TPTE2: variants seen among roughly 807,000 people sequenced by gnomAD.
TPTE2 encodes the protein phosphatidylinositol 3,4,5-trisphosphate 3-phosphatase TPTE2.
TPTE2 carries 53 observed loss-of-function variants against 78.6 expected under a neutral mutation model. The observed-to-expected ratio is 0.67, with a 90% confidence interval of 0.54 to 0.85. The LOEUF is 0.85. TPTE2 is among the 40% of genes least tolerant of loss of function. TPTE2 has a pLI of 0.00. For missense variants in TPTE2, 461 were observed against 623.0 expected (o/e 0.74, Z 2.77); for synonymous variants, 175 against 206.2 (o/e 0.85, Z 1.30).
chr13:19,423,622 G>C (rs144332005), intron 19 of TPTE2, among the ~76,000 whole-genome samples: 2,091 of 152,224 alleles, frequency 0.014, 38 homozygotes, highest in South Asian at 0.045. Flanking sequence ...TGGAACACTA[G>C]GCATAAATTG....
intron 1 of TPTE2, among the ~76,000 whole-genome samples, chr13:19,515,406 C>A (rs1869730558): frequency 6.6e-6 from 1 of 152,174 alleles, no homozygotes; most frequent in Non-Finnish European, 1.5e-5. Flanking sequence ...TTCTCCTACA[C>A]AAACTAATTT....
intron 19 of TPTE2, among the ~76,000 whole-genome samples, chr13:19,424,156 C>T (rs1383946801): frequency 6.6e-6 from 1 of 152,150 alleles, no homozygotes; most frequent in African/African-American, 2.4e-5. Flanking sequence ...TCAATTCATG[C>T]CACATATAAT....
At chr13:19,483,972 C>T (rs1465905598) in intron 3 of TPTE2, among the ~76,000 whole-genome samples, 4 of 148,996 alleles carry the variant, frequency 2.7e-5, no homozygotes, top group Non-Finnish European at 3.0e-5. Context: ...TCCCCCTTCC[C>T]GTGTCCAAGT....
At chr13:19,495,135 C>T (rs1373507025) in intron 1 of TPTE2, among the ~76,000 whole-genome samples, 1 of 152,170 alleles carries the variant, frequency 6.6e-6, no homozygotes, top group South Asian at 2.1e-4. Flanking sequence ...TCTCTATCAC[C>T]TCCAATCACC....
At chr13:19,503,005 G>A (rs573374925) in intron 1 of TPTE2, among the ~76,000 whole-genome samples, 204 of 152,154 alleles carry the variant, frequency 1.3e-3, no homozygotes, top group Non-Finnish European at 2.0e-3. Context: ...TGGAAACCCT[G>A]TTAAAAGCTT....
At chr13:19,471,713 T>C (rs569573791) in intron 6 of TPTE2, among the ~76,000 whole-genome samples, 3 of 152,332 alleles carry the variant, frequency 2.0e-5, no homozygotes, top group Non-Finnish European at 2.9e-5. Context: ...TTATACATCA[T>C]AGTTACAATG....
At chr13:19,470,566 C>G (rs1269580503) in intron 6 of TPTE2, among the ~76,000 whole-genome samples, 1 of 151,822 alleles carries the variant, frequency 6.6e-6, no homozygotes, top group Admixed American at 6.6e-5. Flanking sequence ...CACTCTGTCA[C>G]CCAGGCTGGA....
chr13:19,499,022 T>C (rs1034234009), intron 1 of TPTE2, among the ~76,000 whole-genome samples: 29 of 152,036 alleles, frequency 1.9e-4, no homozygotes, highest in African/African-American at 5.3e-4. Context: ...AAACAGACTT[T>C]AAACCAACAA....
At chr13:19,496,388 T>C (rs1881312599) in intron 1 of TPTE2, among the ~76,000 whole-genome samples, 1 of 152,210 alleles carries the variant, frequency 6.6e-6, no homozygotes, top group Admixed American at 6.5e-5. Flanking sequence ...TGAATTTCTT[T>C]TAAATTCAAC....
At chr13:19,461,495 A>T (rs1434288260) in intron 10 of TPTE2, among the ~76,000 whole-genome samples, 7 of 152,168 alleles carry the variant, frequency 4.6e-5, no homozygotes, top group Non-Finnish European at 8.8e-5. Context: ...GTCACCCTAC[A>T]GCACTACAGA....
At chr13:19,493,024 C>T in intron 2 of TPTE2, 121 bp from the exon 6 acceptor site, 2 of 1,393,346 alleles carry the variant, frequency 1.4e-6, no homozygotes, top group South Asian at 1.3e-5. Context: ...AATCTGAGTC[C>T]CATAAAAATA....
chr13:19,504,437 C>G (rs1038505722), upstream of TPTE2, among the ~76,000 whole-genome samples: 4 of 152,030 alleles, frequency 2.6e-5, 1 homozygote, highest in Non-Finnish European at 1.5e-5. Flanking sequence ...GTAGTGTTAG[C>G]CTCACATGGT....
At chr13:19,452,627 C>G (rs924851263) in intron 10 of TPTE2, among the ~76,000 whole-genome samples, 1 of 152,066 alleles carries the variant, frequency 6.6e-6, no homozygotes, top group Non-Finnish European at 1.5e-5. Context: ...CCATTTGCAC[C>G]CATGAAATTA....
At chr13:19,550,824 T>G in the TPTE2 span, among the ~76,000 whole-genome samples, 1 of 152,042 alleles carries the variant, frequency 6.6e-6, no homozygotes, top group South Asian at 2.1e-4. Context: ...GAGTCAGAGT[T>G]TCACTCTGTC....
intron 3 of TPTE2, among the ~76,000 whole-genome samples, chr13:19,491,842 A>G (rs542582894): frequency 5.5e-4 from 84 of 152,278 alleles, no homozygotes; most frequent in Non-Finnish European, 9.6e-4. Flanking sequence ...TAATAATAAT[A>G]GAAATACATT....
chr13:19,493,140 C>G (rs1881097870), intron 2 of TPTE2, among the ~76,000 whole-genome samples: 1 of 149,810 alleles, frequency 6.7e-6, no homozygotes, highest in South Asian at 2.1e-4. Flanking sequence ...TGCAAAGTTA[C>G]TAACAAATGC....
At chr13:19,430,265 C>T (rs1372023424) in intron 17 of TPTE2, among the ~76,000 whole-genome samples, 1 of 152,146 alleles carries the variant, frequency 6.6e-6, no homozygotes, top group Non-Finnish European at 1.5e-5. Context: ...CTGGAAAGCA[C>T]CCTGAAAAAA....
chr13:19,452,873 A>C (rs1162772526), intron 10 of TPTE2, among the ~76,000 whole-genome samples: 6 of 152,218 alleles, frequency 3.9e-5, no homozygotes, highest in Admixed American at 3.9e-4. Flanking sequence ...TGACACTTAA[A>C]TGTCCAACAT....
intron 10 of TPTE2, among the ~76,000 whole-genome samples, chr13:19,457,281 C>A (rs893863230): frequency 1.3e-5 from 2 of 152,044 alleles, no homozygotes; most frequent in South Asian, 2.1e-4. Flanking sequence ...ATGTGTTATA[C>A]CTCAATAAAC....
Sources: gnomAD v4.1 joint callset for allele counts (sites outside exome capture counted in the v4.1 genomes callset) on GRCh38, gnomAD v4.1.1 for gene constraint, MANE v1.5 for transcripts, NCBI Gene and HGNC (gene_info 2026-07-23, HGNC 2026-07-21) for gene names.